CFAP20DC: variants seen among roughly 807,000 people sequenced by gnomAD.
The protein encoded by CFAP20DC is protein CFAP20DC.
Under a neutral mutation model 101.7 loss-of-function variants are expected in CFAP20DC, and 84 were observed. The ratio of observed to expected loss-of-function variants is 0.83; its 90% CI spans 0.69 to 0.99. The LOEUF (loss-of-function observed/expected upper bound fraction) is 0.99, where lower values mean the gene tolerates loss of function less well. Among genes scored for constraint, CFAP20DC ranks in the 50% least tolerant of loss-of-function variants. The probability of loss-of-function intolerance (pLI) is 0.00; values close to 1 mark genes in which losing one functional copy is unlikely to be tolerated. For missense variants in CFAP20DC, 1,007 were observed against 970.3 expected, an observed-to-expected ratio of 1.04 and a Z score of -0.50; for synonymous variants, 359 against 351.2, an observed-to-expected ratio of 1.02 and a Z score of -0.25.
At position 58,863,611 on chromosome 3, in the gene CFAP20DC, T is replaced by C; in HGVS notation, c.1540A>G (p.Ser514Gly). The C allele has an allele frequency of 6.2e-7, 1 of 1,614,182 alleles. No individual in the cohort carries two copies. The highest frequency in any genetic ancestry group is 1.1e-5 in the South Asian group (1 of 91,088). ...LDLKEDNSVT[S>G]RDTQSEDDFY... Reference sequence around the variant, plus strand: ...TCATCCTCTGATTGGGTGTCTCTGCTTGTCACACTGTTATCCTCTTTTAGA... The same window carrying C: ...TCATCCTCTGATTGGGTGTCTCTGCCTGTCACACTGTTATCCTCTTTTAGA... The change falls in exon 12 of 17, where the codon AGC becomes GGC. Residue 514 changes from serine (S) to glycine (G), a missense_variant. Physicochemically the swap from Ser to Gly is moderately conservative, Grantham distance 56 (BLOSUM62 0). Coordinates refer to ENST00000482387, the MANE Select transcript of CFAP20DC (RefSeq NM_001394063.1). The surrounding 1 kb of genome is among the most constrained non-coding windows in gnomAD (Gnocchi z 5.9).
At chr3:58,991,795 C>T (rs776800922) in intron 4 of CFAP20DC, among the ~76,000 whole-genome samples, 17 of 152,216 alleles carry the variant, frequency 1.1e-4, no homozygotes, top group Non-Finnish European at 2.2e-4. Flanking sequence ...CCTGTTCACC[C>T]CCTGCTGTGC....
intron 14 of CFAP20DC, among the ~76,000 whole-genome samples, chr3:58,812,638 T>C (rs2074755316): frequency 6.6e-6 from 1 of 151,666 alleles, no homozygotes; most frequent in Admixed American, 6.6e-5. Flanking sequence ...CACACCAGCA[T>C]GGCACATGTA....
intron 4 of CFAP20DC, among the ~76,000 whole-genome samples, chr3:58,939,262 AAAATCATGTCATCAG>A (rs1198928067): frequency 6.6e-6 from 1 of 150,788 alleles, no homozygotes; most frequent in Non-Finnish European, 1.5e-5. Flanking sequence ...ATATGTTTGG[AAAATCATGTCATCAG>A]AGACGCTATT....
chr3:58,858,298 A>G (rs543768214), intron 12 of CFAP20DC, among the ~76,000 whole-genome samples: 2 of 152,328 alleles, frequency 1.3e-5, no homozygotes, highest in South Asian at 4.1e-4. Flanking sequence ...GAACATCAAT[A>G]GAGTTTGCCT....
At position 58,856,303 on chromosome 3, in the gene CFAP20DC, CACACACACACAT is replaced by C. The variant is rs1366267556; in HGVS notation, c.1594-6906_1594-6895del. On this transcript the variant is annotated intron_variant, in intron 12 of 16. Coordinates refer to ENST00000482387, the MANE Select transcript of CFAP20DC (RefSeq NM_001394063.1). Reference sequence around the variant, plus strand: ...ACACACACACACACACACACACACACACACACACACATAACTGATGGAGATACTTATCTTTCA... The same window carrying C: ...ACACACACACACACACACACACACACAACTGATGGAGATACTTATCTTTCA... Among the ~76,000 whole-genome samples the C allele has an allele frequency of 7.6e-3, 1,037 of 135,902 alleles. 13 individuals are homozygous for C. Among genetic ancestry groups the C allele is most frequent in the African/African-American group, 0.031 (977 of 31,110 alleles). 89.2% of individuals were successfully genotyped at this position (135,902 alleles called of 152,430 possible).
chr3:58,912,841 C>A lies in CFAP20DC; in HGVS notation c.550+867G>T. On this transcript the variant is annotated intron_variant, in intron 6 of 16. Transcript: ENST00000482387. The surrounding 1 kb of genome is among the most constrained non-coding windows in gnomAD (Gnocchi z 4.4). ...AAGAACTCAACTCTTTCCATTTTAACTTGATCACTAGAAAATTAATATGAT... is the reference window on the plus strand; with the variant it reads ...AAGAACTCAACTCTTTCCATTTTAAATTGATCACTAGAAAATTAATATGAT... 2.4e-6 allele frequency: 1 copy of A among 423,540 alleles called. No homozygotes were observed. Among genetic ancestry groups the A allele is most frequent in the Non-Finnish European group, 4.6e-6 (1 of 215,070 alleles). 26.2% of individuals were successfully genotyped at this position (423,540 alleles called of 1,614,324 possible).
chr3:59,039,700 C>T (rs2094164482), intron 3 of CFAP20DC, 71 bp from the exon 4 acceptor site: 1 of 917,160 alleles, frequency 1.1e-6, no homozygotes, highest in African/African-American at 1.7e-5. Context: ...AACACAATCA[C>T]AAACCACGAA....
At chr3:58,994,125 C>A (rs2093032548) in intron 4 of CFAP20DC, among the ~76,000 whole-genome samples, 1 of 152,162 alleles carries the variant, frequency 6.6e-6, no homozygotes, top group African/African-American at 2.4e-5. Context: ...TAAATAAAAA[C>A]CTATCTTCCT....
Position 58,799,146 on chromosome 3 carries a change from C to G in CFAP20DC, c.2237+7249G>C, listed in dbSNP as rs992374013. Among the ~76,000 whole-genome samples, 1 of 152,078 alleles carries G rather than the reference C, an allele frequency of 6.6e-6. No homozygotes were observed. The highest frequency in any genetic ancestry group is 2.1e-4 in the South Asian group (1 of 4,818). On this transcript the variant is annotated intron_variant, in intron 15 of 16. Coordinates refer to ENST00000482387, the MANE Select transcript of CFAP20DC (RefSeq NM_001394063.1). This position sits in a 1 kb window ranked among gnomAD's most constrained non-coding sequence, Gnocchi z 4.9. ...ATTTGCTTACCCAGATTCTATTAGC[C>G]TGGTGAGAACTGAGTACACCTTCTG...
intron 13 of CFAP20DC, among the ~76,000 whole-genome samples, chr3:58,832,910 C>T (rs1376303384): frequency 6.6e-6 from 1 of 152,078 alleles, no homozygotes; most frequent in African/African-American, 2.4e-5. Context: ...CGCAGAACTG[C>T]CATATAACTT....
chr3:58,892,773 T>C lies in CFAP20DC; in HGVS notation c.551-8064A>G, dbSNP rs2082353070. Among the ~76,000 whole-genome samples, 1 of 152,210 alleles carries C rather than the reference T, an allele frequency of 6.6e-6. No homozygotes were observed. The highest frequency in any genetic ancestry group is 1.5e-5 in the Non-Finnish European group (1 of 68,036). ...TTTCTAGATATAGGATCATGTCATC[T>C]GCAAAAAGGTAATTTGACTTCCTCT... On this transcript the variant is annotated intron_variant, in intron 6 of 16. Coordinates refer to ENST00000482387, the MANE Select transcript of CFAP20DC (RefSeq NM_001394063.1). The surrounding 1 kb of genome is among the most constrained non-coding windows in gnomAD (Gnocchi z 4.0).
At chr3:59,023,166 T>G (rs35480055) in intron 4 of CFAP20DC, among the ~76,000 whole-genome samples, 21,573 of 151,934 alleles carry the variant, frequency 0.14, 1,689 homozygotes, top group Middle Eastern at 0.19. Flanking sequence ...TGTTTTTTTT[T>G]TTTGTTTGTT....
Position 58,722,556 on chromosome 3 carries a change from A to C in CFAP20DC, c.198-4928T>G, listed in dbSNP as rs914554302. Reference sequence around the variant, plus strand: ...TCGTGATGGAGTAGAAACCTGAGAGATGCCACCTTCAACTCAAAAGCCCAG... The same window carrying C: ...TCGTGATGGAGTAGAAACCTGAGAGCTGCCACCTTCAACTCAAAAGCCCAG... On this transcript the variant is annotated intron_variant, in intron 3 of 3. Coordinates refer to the CFAP20DC transcript ENST00000486145. This position sits in a 1 kb window ranked among gnomAD's most constrained non-coding sequence, Gnocchi z 4.5. Among the ~76,000 whole-genome samples, 1 of 152,138 alleles carries C rather than the reference A, an allele frequency of 6.6e-6. No homozygotes were observed. The highest frequency in any genetic ancestry group is 1.5e-5 in the Non-Finnish European group (1 of 68,014).
chr3:58,942,307 C>T (rs570302972), intron 4 of CFAP20DC, among the ~76,000 whole-genome samples: 6 of 152,284 alleles, frequency 3.9e-5, no homozygotes, highest in East Asian at 1.9e-4. Flanking sequence ...GGAACAGTTT[C>T]GGTCTGCAGT....
At chr3:58,926,472 T>C (rs958658276) in intron 5 of CFAP20DC, among the ~76,000 whole-genome samples, 3 of 152,188 alleles carry the variant, frequency 2.0e-5, no homozygotes, top group Non-Finnish European at 2.9e-5. Context: ...AACATTACAA[T>C]GAATTCTAGG....
intron 6 of CFAP20DC, among the ~76,000 whole-genome samples, chr3:58,911,365 T>C (rs908569368): frequency 6.6e-5 from 10 of 152,192 alleles, no homozygotes; most frequent in Admixed American, 2.0e-4. Context: ...ATATGTACTA[T>C]GTGATTCCAT....
intron 10 of CFAP20DC, 110 bp from the exon 11 acceptor site, chr3:58,866,798 C>A: frequency 9.3e-6 from 6 of 642,046 alleles, no homozygotes; most frequent in South Asian, 2.5e-5. Flanking sequence ...CATTTAAAAG[C>A]AAATTAGAGG....
At chr3:58,764,776 C>T (rs2070105367) in intron 15 of CFAP20DC, among the ~76,000 whole-genome samples, 1 of 152,118 alleles carries the variant, frequency 6.6e-6, no homozygotes. Context: ...TCTCTGAGCA[C>T]ATGCAGGAAG....
chr3:58,804,509 T>C (rs749962098), intron 15 of CFAP20DC, among the ~76,000 whole-genome samples: 24 of 152,014 alleles, frequency 1.6e-4, no homozygotes, highest in Non-Finnish European at 3.1e-4. Flanking sequence ...ATTATAGGCA[T>C]ATGCCACCAC....
Sources: allele counts gnomAD v4.1 joint callset (sites outside exome capture counted in the v4.1 genomes callset), GRCh38; gene constraint gnomAD v4.1.1; non-coding constraint Gnocchi (gnomAD v3.1); transcripts MANE v1.5; gene names NCBI Gene and HGNC (gene_info 2026-07-23, HGNC 2026-07-21).